SERPINB5: variants seen among roughly 807,000 people sequenced by gnomAD.
SERPINB5 encodes the protein serpin family B member 5, also known as serpin B5.
Under a neutral mutation model 32.2 loss-of-function variants are expected in SERPINB5, and 27 were observed. That is an observed-to-expected ratio of 0.84 (90% CI 0.62 to 1.16). The LOEUF (loss-of-function observed/expected upper bound fraction) is 1.16. Ranked by LOEUF, SERPINB5 falls within the 50% of genes most tolerant of loss-of-function variation. The pLI is 0.00. For missense variants in SERPINB5, 388 were observed against 436.3 expected, an observed-to-expected ratio of 0.89 and a Z score of 0.99; for synonymous variants, 154 against 157.4, an observed-to-expected ratio of 0.98 and a Z score of 0.16.
intron 6 of SERPINB5, among the ~76,000 whole-genome samples, chr18:63,501,826 G>A (rs926094731): frequency 6.6e-6 from 1 of 152,126 alleles, no homozygotes; most frequent in Non-Finnish European, 1.5e-5. Context: ...GTGTCTGTTG[G>A]CTGCATAAAT....
rs909577536 is a variant in SERPINB5, at chr18:63,484,512, C to T, written c.84C>T (p.Val28=). The T allele has an allele frequency of 1.2e-6, 2 of 1,614,036 alleles. No homozygotes were observed. The highest frequency in any genetic ancestry group is 1.3e-5 in the African/African-American group (1 of 74,908). Reference sequence around the variant, plus strand: ...GTGAAAAGGAGCCACTGGGCAATGTCCTCTTCTCTCCAATCTGTCTCTCCA... The same window carrying T: ...GTGAAAAGGAGCCACTGGGCAATGTTCTCTTCTCTCCAATCTGTCTCTCCA... ...QLCEKEPLGN[V]LFSPICLSTS... is the part of the protein sequence containing the mutation. The change falls in exon 2 of 7, where the codon GTC becomes GTT. Residue 28 remains valine (V), a synonymous_variant. Transcript: ENST00000382771.
chr18:63,497,498 T>TTAAAA, intron 5 of SERPINB5: 1 of 183,592 alleles, frequency 5.4e-6, no homozygotes, highest in Non-Finnish European at 9.6e-6. Flanking sequence ...ACAACGTTTC[T>TTAAAA]GAAAAAAAAA....
chr18:63,487,704 T>C (rs1358838696), intron 3 of SERPINB5, among the ~76,000 whole-genome samples: 2 of 152,322 alleles, frequency 1.3e-5, no homozygotes, highest in South Asian at 2.1e-4. Flanking sequence ...GTACCCATTG[T>C]TGTAATATTT....
rs1211503558 is a variant in SERPINB5, at chr18:63,476,991, C to G, written c.-62C>G. 1 of 152,394 alleles carries G rather than the reference C, an allele frequency of 6.6e-6. No homozygotes were observed. Among genetic ancestry groups the G allele is most frequent in the Non-Finnish European group, 1.5e-5 (1 of 68,146 alleles). The allele number at this position is 152,394 out of a possible 1,614,324, so 9.4% of individuals were successfully genotyped here. On this transcript the variant is annotated 5_prime_UTR_variant, in exon 1 of 7. Transcript: ENST00000382771. ...TCGCCTCCACATCCAGGTCTTTGTGCTCCTCGCTTGCCTGTTCCTTTTCCA... is the reference window on the plus strand; with the variant it reads ...TCGCCTCCACATCCAGGTCTTTGTGGTCCTCGCTTGCCTGTTCCTTTTCCA...
At chr18:63,483,303 A>G (rs1917154277) in intron 1 of SERPINB5, among the ~76,000 whole-genome samples, 1 of 152,232 alleles carries the variant, frequency 6.6e-6, no homozygotes, top group East Asian at 1.9e-4. Context: ...CAAAGAGACT[A>G]TGAGCTTAGA....
chr18:63,499,909 G>A (rs951190519), intron 6 of SERPINB5, among the ~76,000 whole-genome samples: 3 of 151,682 alleles, frequency 2.0e-5, no homozygotes, highest in Non-Finnish European at 2.9e-5. Context: ...TCCCCTTCCC[G>A]TCCCAGGCCT....
chr18:63,480,587 T>C (rs1007222004), intron 1 of SERPINB5, among the ~76,000 whole-genome samples: 5 of 152,258 alleles, frequency 3.3e-5, no homozygotes, highest in East Asian at 3.8e-4. Flanking sequence ...AGGAAGTTTG[T>C]ATTTTTTCCA....
chr18:63,482,853 G>A (rs1917146266), intron 1 of SERPINB5, among the ~76,000 whole-genome samples: 1 of 150,130 alleles, frequency 6.7e-6, no homozygotes, highest in African/African-American at 2.4e-5. Context: ...ATACTAATAT[G>A]AATAATATAT....
chr18:63,492,275 G>C (rs1197267780), intron 4 of SERPINB5, among the ~76,000 whole-genome samples: 1 of 152,210 alleles, frequency 6.6e-6, no homozygotes, highest in Non-Finnish European at 1.5e-5. Context: ...CAGCCTGCCC[G>C]CAAGGAGTGC....
At chr18:63,496,768 C>T (rs1909455249) in intron 5 of SERPINB5, among the ~76,000 whole-genome samples, 1 of 152,188 alleles carries the variant, frequency 6.6e-6, no homozygotes, top group Non-Finnish European at 1.5e-5. Flanking sequence ...GGTTATACAA[C>T]ATTACTGTCA....
At chr18:63,499,668 G>A (rs974177070) in intron 6 of SERPINB5, among the ~76,000 whole-genome samples, 4 of 152,108 alleles carry the variant, frequency 2.6e-5, no homozygotes, top group Admixed American at 1.3e-4. Context: ...CAGGATTTGG[G>A]CCCAGGTAGT....
intron 1 of SERPINB5, 63 bp from the exon 2 acceptor site, chr18:63,484,359 A>G (rs1917171348): frequency 1.4e-6 from 2 of 1,415,886 alleles, no homozygotes; most frequent in Non-Finnish European, 1.9e-6. Flanking sequence ...TGTTGGCAGA[A>G]TGCAGTTGAG....
intron 6 of SERPINB5, among the ~76,000 whole-genome samples, chr18:63,502,103 AC>A (rs1284562410): frequency 6.6e-6 from 1 of 151,548 alleles, no homozygotes; most frequent in Non-Finnish European, 1.5e-5. Flanking sequence ...AAAGTATAGA[AC>A]TAAAGAAAAT....
At chr18:63,496,521 T>C (rs187609253) in intron 5 of SERPINB5, among the ~76,000 whole-genome samples, 70 of 152,292 alleles carry the variant, frequency 4.6e-4, no homozygotes, top group African/African-American at 1.6e-3. Flanking sequence ...AGACAATCAC[T>C]AGATAATATT....
chr18:63,485,010 G>C (rs1048445299), intron 2 of SERPINB5, among the ~76,000 whole-genome samples: 3 of 152,074 alleles, frequency 2.0e-5, no homozygotes, highest in Admixed American at 6.5e-5. Context: ...AAAATGCTGG[G>C]ATTACAGGCA....
intron 6 of SERPINB5, 48 bp from the exon 7 acceptor site, chr18:63,503,281 TA>T: frequency 6.5e-7 from 1 of 1,541,694 alleles, no homozygotes. Flanking sequence ...CCAGGTCTTT[TA>T]CAGTTGGAAA....
intron 4 of SERPINB5, 101 bp from the exon 5 acceptor site, chr18:63,492,852 G>A: frequency 7.1e-7 from 1 of 1,401,080 alleles, no homozygotes; most frequent in African/African-American, 1.4e-5. Context: ...TACATGGTGT[G>A]ACTCCATGAA....
chr18:63,493,093 A>C lies in SERPINB5; in HGVS notation c.565A>C (p.Lys189Gln). ...ETKECPFRVN[K>Q]TDTKPVQMMN... ...AAAAGAATGTCCTTTCAGAGTCAAC[A>C]AGGTATGTGGGGCAGCATGTAGCAG... The change falls in exon 5 of 7, where the codon AAG becomes CAG. Residue 189 changes from lysine (K) to glutamine (Q), a missense_variant and splice_region_variant. By Grantham distance (53) the Lys-to-Gln change is moderately conservative. Coordinates refer to ENST00000382771, the MANE Select transcript of SERPINB5 (RefSeq NM_002639.5). The C allele has an allele frequency of 3.7e-6, 6 of 1,614,216 alleles. No individual in the cohort carries two copies. The highest frequency in any genetic ancestry group is 5.1e-6 in the Non-Finnish European group (6 of 1,180,044).
chr18:63,492,145 A>C (rs1207973797), intron 4 of SERPINB5, among the ~76,000 whole-genome samples: 1 of 152,160 alleles, frequency 6.6e-6, no homozygotes, highest in Non-Finnish European at 1.5e-5. Context: ...TTCAAATGTG[A>C]GGAGTTCTTT....
Sources: allele counts gnomAD v4.1 joint callset (sites outside exome capture counted in the v4.1 genomes callset), GRCh38; gene constraint gnomAD v4.1.1; transcripts MANE v1.5; gene names NCBI Gene and HGNC (gene_info 2026-07-23, HGNC 2026-07-21).